ATP8A2: variants seen among roughly 807,000 people sequenced by gnomAD.
The protein encoded by ATP8A2 is phospholipid-transporting ATPase IB.
A neutral mutation model predicts 165.6 loss-of-function variants in ATP8A2; 100 were observed. The ratio of observed to expected loss-of-function variants is 0.60; its 90% CI spans 0.51 to 0.71. The LOEUF (loss-of-function observed/expected upper bound fraction) is 0.71. ATP8A2 is among the 30% of genes least tolerant of loss of function. The pLI is 0.00. For synonymous variants in ATP8A2, 543 were observed against 548.8 expected, an observed-to-expected ratio of 0.99 and a Z score of 0.15; for missense variants, 1,227 against 1,479.5, an observed-to-expected ratio of 0.83 and a Z score of 2.80.
At chr13:25,825,243 C>T (rs1454561061) in intron 27 of ATP8A2, among the ~76,000 whole-genome samples, 1 of 146,026 alleles carries the variant, frequency 6.8e-6, no homozygotes, top group African/African-American at 2.5e-5. Context: ...TGCTGCTGCC[C>T]ACCTTTTAGG....
At chr13:25,553,957 A>G (rs1432215056) in intron 12 of ATP8A2, 37 bp downstream of exon 12, 8 of 1,588,200 alleles carry the variant, frequency 5.0e-6, no homozygotes, top group African/African-American at 2.7e-5. Context: ...CTATTTTCCA[A>G]TGCTATTTCA....
intron 35 of ATP8A2, among the ~76,000 whole-genome samples, chr13:25,975,005 C>T (rs1157530798): frequency 1.3e-5 from 2 of 152,170 alleles, no homozygotes; most frequent in Non-Finnish European, 1.5e-5. Flanking sequence ...TCTCTTCTCA[C>T]GTGTGCGACC....
intron 22 of ATP8A2, 145 bp downstream of exon 22, chr13:25,580,092 T>C (rs1352234874): frequency 9.9e-7 from 1 of 1,012,660 alleles, no homozygotes; most frequent in African/African-American, 1.6e-5. Flanking sequence ...AATCATTTTC[T>C]TTGCTTTAAG....
At chr13:25,575,190 C>T (rs907634636) in intron 19 of ATP8A2, among the ~76,000 whole-genome samples, 1 of 152,140 alleles carries the variant, frequency 6.6e-6, no homozygotes, top group Admixed American at 6.5e-5. Context: ...TTTTCATTGG[C>T]GTTTCCCAAG....
intron 27 of ATP8A2, among the ~76,000 whole-genome samples, chr13:25,800,999 C>A (rs769441490): frequency 6.6e-6 from 1 of 152,068 alleles, no homozygotes; most frequent in African/African-American, 2.4e-5. Context: ...TCCAGGCAGC[C>A]GTGGAAACTG....
chr13:25,756,397 G>T (rs2044263428), intron 25 of ATP8A2, among the ~76,000 whole-genome samples: 1 of 151,186 alleles, frequency 6.6e-6, no homozygotes, highest in Non-Finnish European at 1.5e-5. Context: ...TGTGGTTGTG[G>T]CTCCTCTGCT....
At chr13:25,862,642 C>T (rs1593466695) in intron 33 of ATP8A2, among the ~76,000 whole-genome samples, 2 of 152,352 alleles carry the variant, frequency 1.3e-5, no homozygotes, top group Admixed American at 1.3e-4. Flanking sequence ...AAACTGTCAA[C>T]TTAAATCCTC....
At chr13:25,428,167 G>A (rs935710621) in intron 1 of ATP8A2, among the ~76,000 whole-genome samples, 4 of 149,836 alleles carry the variant, frequency 2.7e-5, no homozygotes, top group Admixed American at 1.3e-4. Flanking sequence ...CTGGGTGACA[G>A]AGTAAGACCC....
chr13:25,574,261 C>T (rs1360338647), intron 18 of ATP8A2, among the ~76,000 whole-genome samples: 5 of 152,198 alleles, frequency 3.3e-5, no homozygotes, highest in Non-Finnish European at 7.3e-5. Flanking sequence ...TCTGCAAATT[C>T]GAAACCCAAA....
At position 25,800,389 on chromosome 13, in the gene ATP8A2, T is replaced by C. The variant is rs191075389; in HGVS notation, c.2679+25430T>C. Among the ~76,000 whole-genome samples the C allele has an allele frequency of 1.5e-4, 23 of 152,276 alleles. No homozygotes were observed. The East Asian group carries it at 3.9e-3, about 26-fold the overall frequency. The stretch of plus-strand genomic sequence containing the variant: ...TAAAACAACAAATTGGATAATAAGA[T>C]CAGTCCTGAAAAGTCAACCAAAAGA... On this transcript the variant is annotated intron_variant, in intron 27 of 36. Transcript: ENST00000381655.
intron 33 of ATP8A2, among the ~76,000 whole-genome samples, chr13:25,942,380 T>C (rs904477572): frequency 2.6e-5 from 4 of 152,220 alleles, no homozygotes; most frequent in Non-Finnish European, 5.9e-5. Context: ...TTATGGTGTC[T>C]TTTAGTACAA....
chr13:25,847,663 A>G (rs1951897632), intron 30 of ATP8A2, among the ~76,000 whole-genome samples: 1 of 152,176 alleles, frequency 6.6e-6, no homozygotes, highest in African/African-American at 2.4e-5. Flanking sequence ...CCATGTCCCT[A>G]TCCAGTGGAG....
At chr13:25,854,478 A>C (rs144327776) in intron 30 of ATP8A2, among the ~76,000 whole-genome samples, 222 of 152,274 alleles carry the variant, frequency 1.5e-3, no homozygotes, top group African/African-American at 5.3e-3. Flanking sequence ...ATGCACCAGC[A>C]TACCTGGCTA....
chr13:25,907,170 C>T (rs980034023), intron 33 of ATP8A2, among the ~76,000 whole-genome samples: 11 of 152,082 alleles, frequency 7.2e-5, no homozygotes, highest in African/African-American at 1.7e-4. Flanking sequence ...GCAGAGGCTG[C>T]GGTGAGTAAC....
chr13:25,506,167 G>A (rs564674318), intron 2 of ATP8A2, among the ~76,000 whole-genome samples: 1 of 152,310 alleles, frequency 6.6e-6, no homozygotes, highest in South Asian at 2.1e-4. Context: ...CGAATGATGA[G>A]AGAGCTCTTC....
At chr13:26,009,718 G>T (rs1956805560) in intron 35 of ATP8A2, among the ~76,000 whole-genome samples, 1 of 152,176 alleles carries the variant, frequency 6.6e-6, no homozygotes, top group Admixed American at 6.5e-5. Flanking sequence ...TGTGGAGGAA[G>T]GGCTGCGGCA....
intron 24 of ATP8A2, among the ~76,000 whole-genome samples, chr13:25,673,416 A>G (rs1207134807): frequency 6.6e-6 from 1 of 152,254 alleles, no homozygotes; most frequent in East Asian, 1.9e-4. Flanking sequence ...TGACTTCTGT[A>G]TACTGCACAG....
intron 25 of ATP8A2, among the ~76,000 whole-genome samples, chr13:25,741,076 G>A (rs902866082): frequency 6.6e-6 from 1 of 152,156 alleles, no homozygotes; most frequent in East Asian, 1.9e-4. Flanking sequence ...AACTATATAA[G>A]AAAATAAGTA....
chr13:25,999,806 A>G (rs1956599109), intron 35 of ATP8A2, among the ~76,000 whole-genome samples: 1 of 152,196 alleles, frequency 6.6e-6, no homozygotes, highest in South Asian at 2.1e-4. Context: ...GAAAGGGGAA[A>G]GGAGAATCAT....
Sources: allele counts gnomAD v4.1 joint callset (sites outside exome capture counted in the v4.1 genomes callset), GRCh38; gene constraint gnomAD v4.1.1; transcripts MANE v1.5; gene names NCBI Gene and HGNC (gene_info 2026-07-23, HGNC 2026-07-21).